IGLL5: variants seen among roughly 807,000 people sequenced by gnomAD.
IGLL5 encodes the protein immunoglobulin lambda like polypeptide 5, also known as immunoglobulin lambda-like polypeptide 5.
IGLL5 carries 30 observed loss-of-function variants against 20.9 expected under a neutral mutation model. The ratio of observed to expected loss-of-function variants is 1.44; its 90% CI spans 1.07 to 1.95. IGLL5 has a LOEUF of 1.95. Ranked by LOEUF, IGLL5 falls within the 30% of genes most tolerant of loss-of-function variation. IGLL5 has a pLI of 0.00. For missense variants in IGLL5, 475 were observed against 270.7 expected, an observed-to-expected ratio of 1.75 and a Z score of -5.30; for synonymous variants, 203 against 117.3, an observed-to-expected ratio of 1.73 and a Z score of -4.72.
chr22:22,888,229 G>A lies in IGLL5; in HGVS notation c.176G>A (p.Ser59Asn), dbSNP rs776384337. 2 of 1,548,132 alleles carry A rather than the reference G, an allele frequency of 1.3e-6. No homozygotes were observed. Among genetic ancestry groups the A allele is most frequent in the Non-Finnish European group, 8.7e-7 (1 of 1,146,484 alleles). The change falls in exon 1 of 3, where the codon AGC (serine) becomes AAC (asparagine). Residue 59 changes from serine to asparagine, a missense_variant. By Grantham distance (46) the Ser-to-Asn change is conservative. Coordinates refer to ENST00000526893, the MANE Select transcript of IGLL5 (RefSeq NM_001178126.2). Reference protein sequence around the residue: ...DPDPGASVGSSRSSLRSLWGR... With the variant: ...DPDPGASVGSNRSSLRSLWGR... ...GACCCTGGAGCCTCAGTTGGAAGCA[G>A]CCGATCCAGCCTGCGGAGCCTGTGG...
In IGLL5 at chr22:22,888,031, G is replaced by C. The variant is rs574008812; in HGVS notation, c.-23G>C. Reference sequence around the variant, plus strand: ...AGCCCATGCTGCAAGTCGGGCCAGAGGTGCCCCTGAACCTGAAGGCCAATG... The same window carrying C: ...AGCCCATGCTGCAAGTCGGGCCAGACGTGCCCCTGAACCTGAAGGCCAATG... On this transcript the variant is annotated 5_prime_UTR_variant, in exon 1 of 3. Coordinates refer to ENST00000526893, the MANE Select transcript of IGLL5 (RefSeq NM_001178126.2). The C allele has an allele frequency of 3.2e-6, 5 of 1,544,542 alleles. No homozygotes were observed. Among genetic ancestry groups the C allele is most frequent in the Middle Eastern group, 1.7e-4 (1 of 5,946 alleles).
At chr22:22,894,592 A>C (rs1601627437) in intron 2 of IGLL5, among the ~76,000 whole-genome samples, 1 of 151,318 alleles carries the variant, frequency 6.6e-6, no homozygotes, top group South Asian at 2.1e-4. Context: ...AGACTCAGGA[A>C]ATGACCAGAG....
intron 2 of IGLL5, among the ~76,000 whole-genome samples, 165 bp downstream of exon 2, chr22:22,893,983 G>C: frequency 6.6e-6 from 1 of 151,192 alleles, no homozygotes; most frequent in African/African-American, 2.4e-5. Context: ...CCGGGTAACC[G>C]GCAGGAAGGG....
rs542424449 is a variant in IGLL5, at chr22:22,888,422, G to C, written c.206+163G>C. ...ATGGGTTGATATTTTGTCCATCACA[G>C]ATTTGTTTGAATTACTGTTTTTAAT... On this transcript the variant is annotated intron_variant, in intron 1 of 2. Coordinates refer to ENST00000526893, the MANE Select transcript of IGLL5 (RefSeq NM_001178126.2). 1.3e-5 allele frequency among the ~76,000 whole-genome samples: 2 copies of C among 151,464 alleles called. 1 individual carries two copies. The highest frequency in any genetic ancestry group is 4.8e-5 in the African/African-American group (2 of 41,338).
chr22:22,894,776 C>T (rs2066696175), intron 2 of IGLL5, among the ~76,000 whole-genome samples: 1 of 151,274 alleles, frequency 6.6e-6, no homozygotes, highest in South Asian at 2.1e-4. Flanking sequence ...GGAAACATCT[C>T]AGAGCCTCAG....
rs756832936 is a variant in IGLL5 at position 22,895,422 on chromosome 22, G to T, written c.373G>T (p.Glu125Ter). Residue 125 changes from glutamate to a stop codon, truncating the protein, a stop_gained, in exon 3 of 3, where the codon GAG becomes TAG. Coordinates refer to ENST00000526893, the MANE Select transcript of IGLL5 (RefSeq NM_001178126.2). LOFTEE classifies it high-confidence loss of function. ...TGTCACTCTGTTCCCGCCCTCCTCT[G>T]AGGAGCTCCAAGCCAACAAGGCCAC... is the stretch of plus-strand genomic sequence containing the variant. ...PTVTLFPPSS[E>*]ELQANKATLV... 7.4e-6 allele frequency: 12 copies of T among 1,612,876 alleles called. No homozygotes were observed. The highest frequency in any genetic ancestry group is 1.0e-5 in the Non-Finnish European group (12 of 1,179,556).
chr22:22,888,133 T>A lies in IGLL5; in HGVS notation c.80T>A (p.Leu27Gln), dbSNP rs1170259581. The A allele has an allele frequency of 3.2e-6, 5 of 1,549,650 alleles. No homozygotes were observed. Among genetic ancestry groups the A allele is most frequent in the Admixed American group, 3.9e-5 (2 of 50,824 alleles). The change falls in exon 1 of 3, where the codon CTG becomes CAG. Residue 27 changes from leucine to glutamine, a missense_variant. Leu to Gln is a moderately radical substitution (Grantham distance 113). Transcript: ENST00000526893. ...GPGPRQRWPL[L>Q]LLGLAMVAHG... ...GGTCCCAGGCAGCGCTGGCCCCTGCTGCTGCTGGGTCTGGCCATGGTCGCC... is the reference window on the plus strand; with the variant it reads ...GGTCCCAGGCAGCGCTGGCCCCTGCAGCTGCTGGGTCTGGCCATGGTCGCC...
rs796122062 is a variant in IGLL5, at chr22:22,890,929, G to A, written c.206+2670G>A. ...GAATTAACTGGTCATCATGTTGCCC[G>A]CCTTTCCATTCAGTTGCTTTCATCT... On this transcript the variant is annotated intron_variant, in intron 1 of 2. Coordinates refer to ENST00000526893, the MANE Select transcript of IGLL5 (RefSeq NM_001178126.2). Among the ~76,000 whole-genome samples, 6 of 150,938 alleles carry A rather than the reference G, an allele frequency of 4.0e-5. No homozygotes were observed. In the South Asian group the frequency reaches 6.4e-4, roughly 16 times the overall value.
chr22:22,891,247 C>T (rs187039459), intron 1 of IGLL5, among the ~76,000 whole-genome samples: 1 of 150,226 alleles, frequency 6.7e-6, no homozygotes, highest in Admixed American at 6.7e-5. Context: ...TTCTTTACTT[C>T]CCCTGGAGTT....
chr22:22,894,715 G>C lies in IGLL5; in HGVS notation c.326-660G>C, dbSNP rs2066687007. Among the ~76,000 whole-genome samples, 2 of 151,474 alleles carry C rather than the reference G, an allele frequency of 1.3e-5. 1 individual carries two copies. Among genetic ancestry groups the C allele is most frequent in the Admixed American group, 1.3e-4 (2 of 15,166 alleles). ...CTGAGTCTCATAGTCTGTGGGAGCAGCCCCAGGAACAGCTGAGGTGAAGGG... is the reference window on the plus strand; with the variant it reads ...CTGAGTCTCATAGTCTGTGGGAGCACCCCCAGGAACAGCTGAGGTGAAGGG... On this transcript the variant is annotated intron_variant, in intron 2 of 2. Coordinates refer to ENST00000526893, the MANE Select transcript of IGLL5 (RefSeq NM_001178126.2).
intron 1 of IGLL5, among the ~76,000 whole-genome samples, chr22:22,890,595 G>A (rs1030723942): frequency 7.3e-6 from 1 of 136,746 alleles, no homozygotes; most frequent in African/African-American, 3.1e-5. Context: ...GTGTGTGTGT[G>A]TGTGTATGTG....
chr22:22,894,443 C>A (rs145063051), intron 2 of IGLL5, among the ~76,000 whole-genome samples: 1 of 151,462 alleles, frequency 6.6e-6, no homozygotes, highest in South Asian at 2.1e-4. Context: ...TGCCAGAATC[C>A]AACCCTCCCA....
chr22:22,894,327 C>A (rs1601625572), intron 2 of IGLL5, among the ~76,000 whole-genome samples: 1 of 151,340 alleles, frequency 6.6e-6, no homozygotes, highest in Middle Eastern at 3.7e-3. Flanking sequence ...CAAGGGGAGA[C>A]CAATGGAGGG....
chr22:22,889,626 T>C (rs2067740540), intron 1 of IGLL5, among the ~76,000 whole-genome samples: 1 of 151,298 alleles, frequency 6.6e-6, no homozygotes, highest in Admixed American at 6.6e-5. Context: ...CTTGATCTGT[T>C]GCTCAGGCTG....
At chr22:22,893,952 C>A in intron 2 of IGLL5, 134 bp downstream of exon 2, 1 of 721,964 alleles carries the variant, frequency 1.4e-6, no homozygotes, top group Non-Finnish European at 2.5e-6. Context: ...TCCATGGGGC[C>A]TGGAGGAGGT....
At chr22:22,894,494 T>C (rs557782286) in intron 2 of IGLL5, among the ~76,000 whole-genome samples, 2 of 151,394 alleles carry the variant, frequency 1.3e-5, no homozygotes, top group South Asian at 2.1e-4. Context: ...AGGGCAGAGA[T>C]GTGTCTGTCC....
At chr22:22,894,109 GGT>G in intron 2 of IGLL5, among the ~76,000 whole-genome samples, 1 of 151,500 alleles carries the variant, frequency 6.6e-6, no homozygotes. Flanking sequence ...GACAGAGGCT[GGT>G]TCTGATGAGG....
intron 1 of IGLL5, among the ~76,000 whole-genome samples, chr22:22,890,910 A>T (rs960177601): frequency 6.6e-6 from 1 of 151,126 alleles, no homozygotes; most frequent in Non-Finnish European, 1.5e-5. Flanking sequence ...CTGTGAATTA[A>T]CTGGTCATCA....
chr22:22,894,731 A>C (rs546642977), intron 2 of IGLL5, among the ~76,000 whole-genome samples: 2 of 151,172 alleles, frequency 1.3e-5, no homozygotes, highest in African/African-American at 4.9e-5. Flanking sequence ...GGAACAGCTG[A>C]GGTGAAGGGT....
Sources: gnomAD v4.1 joint callset for allele counts (sites outside exome capture counted in the v4.1 genomes callset) on GRCh38, gnomAD v4.1.1 for gene constraint, MANE v1.5 for transcripts, NCBI Gene and HGNC (gene_info 2026-07-23, HGNC 2026-07-21) for gene names.